Variants in ATXN1 observed in about 807,000 individuals in gnomAD.
ATXN1 encodes ataxin-1.
ATXN1 carries 8 observed loss-of-function variants against 56.4 expected under a neutral mutation model. The observed-to-expected ratio is 0.14, with a 90% CI of 0.08 to 0.26. ATXN1 has a LOEUF of 0.26. Ranked by LOEUF, ATXN1 falls within the 10% of genes least tolerant of loss-of-function variation. The probability of loss-of-function intolerance (pLI) is 1.00; values close to 1 mark genes in which losing one functional copy is unlikely to be tolerated. For synonymous variants in ATXN1, 514 were observed against 494.6 expected (o/e 1.04, Z -0.52); for missense variants, 987 against 1,106.5 (o/e 0.89, Z 1.53).
chr6:16,467,871 G>A (rs1290837442), intron 6 of ATXN1, among the ~76,000 whole-genome samples: 1 of 152,174 alleles, frequency 6.6e-6, no homozygotes, highest in Non-Finnish European at 1.5e-5. Context: ...CCTACAAGAA[G>A]ACCAAAAGAT....
chr6:16,705,568 T>C (rs879534249), intron 2 of ATXN1, among the ~76,000 whole-genome samples: 1 of 152,138 alleles, frequency 6.6e-6, no homozygotes, highest in Non-Finnish European at 1.5e-5. Context: ...CCCCCTCTCA[T>C]TCACTTCCAA....
intron 6 of ATXN1, among the ~76,000 whole-genome samples, chr6:16,404,264 G>C (rs1242595387): frequency 6.6e-6 from 1 of 152,226 alleles, no homozygotes; most frequent in African/African-American, 2.4e-5. Context: ...TTCTTGGAGA[G>C]TTCTTTAAAG....
rs994658625 is a variant in ATXN1 at position 16,410,071 on chromosome 6, C to T, written c.-161+75901G>A. Among the ~76,000 whole-genome samples, 5 of 152,206 alleles carry T rather than the reference C, an allele frequency of 3.3e-5. No homozygotes were observed. The highest frequency in any genetic ancestry group is 7.2e-5 in the African/African-American group (3 of 41,458). On this transcript the variant is annotated intron_variant, in intron 6 of 7. Transcript: ENST00000436367. This position sits in a 1 kb window ranked among gnomAD's most constrained non-coding sequence, Gnocchi z 4.6. ...ACGTGCATGGAGAGCATGAGCTGAA[C>T]GACCGTCGTGATAGGCTTGGCAGAG...
intron 6 of ATXN1, among the ~76,000 whole-genome samples, chr6:16,439,196 T>C (rs558115670): frequency 6.6e-6 from 1 of 151,640 alleles, no homozygotes; most frequent in South Asian, 2.1e-4. Flanking sequence ...AAGGACAAAA[T>C]AGAAAAAGCA....
chr6:16,374,897 C>G (rs1762112986), intron 6 of ATXN1, among the ~76,000 whole-genome samples: 1 of 152,220 alleles, frequency 6.6e-6, no homozygotes, highest in Non-Finnish European at 1.5e-5. Flanking sequence ...ATGGCATTAA[C>G]CCGAGCCCCT....
intron 2 of ATXN1, among the ~76,000 whole-genome samples, chr6:16,690,361 A>G (rs1759020309): frequency 1.3e-5 from 2 of 151,854 alleles, no homozygotes; most frequent in South Asian, 4.2e-4. Context: ...CAGTGCTGTT[A>G]TTCCTCCTCC....
intron 5 of ATXN1, among the ~76,000 whole-genome samples, chr6:16,508,993 AACAAAAAGTC>A (rs2113681936): frequency 6.6e-6 from 1 of 152,314 alleles, no homozygotes; most frequent in South Asian, 2.1e-4. Context: ...CATTATGCTA[AACAAAAAGTC>A]ACAAAAGGAC....
intron 5 of ATXN1, among the ~76,000 whole-genome samples, chr6:16,501,791 A>T (rs1760890609): frequency 6.6e-6 from 1 of 152,134 alleles, no homozygotes; most frequent in African/African-American, 2.4e-5. Context: ...ATATGTGTGC[A>T]TGTGTCTTTA....
chr6:16,553,799 A>C (rs1213993183), intron 4 of ATXN1, among the ~76,000 whole-genome samples: 1 of 152,196 alleles, frequency 6.6e-6, no homozygotes, highest in Non-Finnish European at 1.5e-5. Flanking sequence ...TCACGCCCCT[A>C]AATGAGACTG....
chr6:16,542,772 T>C (rs1417918344), intron 4 of ATXN1, among the ~76,000 whole-genome samples: 1 of 152,218 alleles, frequency 6.6e-6, no homozygotes, highest in Non-Finnish European at 1.5e-5. Context: ...TACTATGTTT[T>C]TTCCTATACA....
At chr6:16,549,896 C>CAAAAA (rs66603893) in intron 4 of ATXN1, among the ~76,000 whole-genome samples, 1 of 66,772 alleles carries the variant, frequency 1.5e-5, no homozygotes, top group African/African-American at 5.9e-5. Context: ...AACTCTGTCT[C>CAAAAA]AAAAAAAAAA....
At position 16,327,758 on chromosome 6, in the gene ATXN1, C is replaced by T; in HGVS notation, c.553G>A (p.Gly185Ser). The T allele has an allele frequency of 4.4e-6, 7 of 1,609,154 alleles. No individual in the cohort carries two copies. Among genetic ancestry groups the T allele is most frequent in the Non-Finnish European group, 5.9e-6 (7 of 1,179,848 alleles). The change falls in exon 7 of 8, where the codon GGC becomes AGC. Residue 185 changes from glycine (G) to serine (S), a missense_variant. Coordinates refer to ENST00000436367, the MANE Select transcript of ATXN1 (RefSeq NM_001128164.2). The part of the protein sequence containing the change: ...EAYSTLLANM[G>S]SLSQTPGHKA... ...TGTCCCGGCGTCTGGCTCAGACTGC[C>T]CATGTTGGCCAGCAGAGTGGAATAG... is the stretch of plus-strand genomic sequence containing the variant.
intron 6 of ATXN1, among the ~76,000 whole-genome samples, chr6:16,424,291 G>A (rs1759097345): frequency 6.6e-6 from 1 of 152,200 alleles, no homozygotes; most frequent in Non-Finnish European, 1.5e-5. Flanking sequence ...AGCCGGGTGT[G>A]TGCATGCGCA....
intron 2 of ATXN1, among the ~76,000 whole-genome samples, chr6:16,665,336 A>C (rs892650156): frequency 6.6e-6 from 1 of 152,236 alleles, no homozygotes; most frequent in African/African-American, 2.4e-5. Flanking sequence ...TACCCTGGTC[A>C]TTTGGAAAAT....
intron 7 of ATXN1, among the ~76,000 whole-genome samples, chr6:16,309,969 G>GGTTGCAGTGAGCCAAGATC (rs1397035390): frequency 5.3e-5 from 8 of 152,050 alleles, no homozygotes; most frequent in East Asian, 1.9e-4. Context: ...GGGAGGCGGA[G>GGTTGCAGTGAGCCAAGATC]GTTGCAGTGA....
At chr6:16,445,269 TGAG>T (rs1759609177) in intron 6 of ATXN1, among the ~76,000 whole-genome samples, 1 of 152,204 alleles carries the variant, frequency 6.6e-6, no homozygotes, top group South Asian at 2.1e-4. Flanking sequence ...TAGTTGTGTA[TGAG>T]AAGAAGAATC....
At chr6:16,451,567 C>A (rs1759753596) in intron 6 of ATXN1, among the ~76,000 whole-genome samples, 1 of 152,034 alleles carries the variant, frequency 6.6e-6, no homozygotes, top group South Asian at 2.1e-4. Flanking sequence ...ACCAGCCCGA[C>A]CAACATGGAG....
At chr6:16,444,248 CCA>C (rs1379725107) in intron 6 of ATXN1, among the ~76,000 whole-genome samples, 1 of 152,154 alleles carries the variant, frequency 6.6e-6, no homozygotes, top group Admixed American at 6.5e-5. Context: ...CCCCTGGGGC[CCA>C]GTCTTTGGTC....
intron 6 of ATXN1, among the ~76,000 whole-genome samples, chr6:16,455,042 T>C (rs1166157714): frequency 1.3e-5 from 2 of 152,208 alleles, no homozygotes; most frequent in East Asian, 3.8e-4. Flanking sequence ...AGGAAACATG[T>C]GGCAGGCATT....
Sources: allele counts gnomAD v4.1 joint callset (sites outside exome capture counted in the v4.1 genomes callset), GRCh38; gene constraint gnomAD v4.1.1; non-coding constraint Gnocchi (gnomAD v3.1); transcripts MANE v1.5; gene names NCBI Gene and HGNC (gene_info 2026-07-23, HGNC 2026-07-21).